Variants in NTMT1 observed in about 807,000 individuals in gnomAD.
NTMT1 encodes the protein N-terminal Xaa-Pro-Lys N-methyltransferase 1, also known as N-terminal RCC1 methyltransferase.
NTMT1 carries 8 observed loss-of-function variants against 17.5 expected under a neutral mutation model. The ratio of observed to expected loss-of-function variants is 0.46; its 90% CI spans 0.27 to 0.82. The LOEUF (loss-of-function observed/expected upper bound fraction) is 0.82, where lower values mean the gene tolerates loss of function less well. NTMT1 is among the 40% of genes least tolerant of loss of function. The probability of loss-of-function intolerance (pLI) is 0.15; values close to 1 mark genes in which losing one functional copy is unlikely to be tolerated. For synonymous variants in NTMT1, 128 were observed against 126.8 expected, an observed-to-expected ratio of 1.01 and a Z score of -0.06; for missense variants, 221 against 303.5, an observed-to-expected ratio of 0.73 and a Z score of 2.02.
chr9:129,630,711 G>A (rs908596755), intron 1 of NTMT1, among the ~76,000 whole-genome samples: 2 of 152,260 alleles, frequency 1.3e-5, no homozygotes, highest in Non-Finnish European at 2.9e-5. Context: ...TTTGGCGACA[G>A]GCATTTGCTA....
chr9:129,621,554 A>AT (rs1300159079), upstream of NTMT1, among the ~76,000 whole-genome samples: 10 of 152,094 alleles, frequency 6.6e-5, no homozygotes, highest in African/African-American at 1.2e-4. Context: ...ATGGGGTAGA[A>AT]TTTTTTTGTA....
intron 1 of NTMT1, chr9:129,615,360 G>A: frequency 9.4e-7 from 1 of 1,061,642 alleles, no homozygotes; most frequent in African/African-American, 1.6e-5. Context: ...ATCCTCTGCA[G>A]GATCACTGAT....
At position 129,628,867 on chromosome 9, in the gene NTMT1, G is replaced by A. The variant is rs530350434; in HGVS notation, c.-55+2572G>A. On this transcript the variant is annotated intron_variant, in intron 1 of 3. Coordinates refer to ENST00000372483, the MANE Select transcript of NTMT1 (RefSeq NM_014064.4). ...GAGCTCCCCGGCCAGGCGAGAGAGA[G>A]AACTGAATACAAAACCTTCAGTTTG... Among the ~76,000 whole-genome samples the A allele has an allele frequency of 5.3e-5, 8 of 152,352 alleles. No individual in the cohort carries two copies. In the South Asian group the frequency reaches 1.7e-3, roughly 32 times the overall value.
At position 129,620,806 on chromosome 9, in the gene NTMT1, G is replaced by T. The variant is rs953026469; in HGVS notation, c.-55+11628G>T. On this transcript the variant is annotated intron_variant, in intron 1 of 3. Coordinates refer to the NTMT1 transcript ENST00000372486. This position sits in a 1 kb window ranked among gnomAD's most constrained non-coding sequence, Gnocchi z 5.8. Reference sequence around the variant, plus strand: ...ACAGCAAGAGTAGCCAACTTTGGGGGTTGCTGTGACGTTTAAATGAGCAAG... The same window carrying T: ...ACAGCAAGAGTAGCCAACTTTGGGGTTTGCTGTGACGTTTAAATGAGCAAG... 5 of 393,026 alleles carry T rather than the reference G, an allele frequency of 1.3e-5. No homozygotes were observed. Among genetic ancestry groups the T allele is most frequent in the Non-Finnish European group, 2.2e-5 (5 of 224,552 alleles). 24.3% of individuals were successfully genotyped at this position (393,026 alleles called of 1,614,324 possible).
chr9:129,613,013 C>T lies in NTMT1; in HGVS notation c.-55+3835C>T. On this transcript the variant is annotated intron_variant, in intron 1 of 3. Coordinates refer to the NTMT1 transcript ENST00000372486. The surrounding 1 kb of genome is among the most constrained non-coding windows in gnomAD (Gnocchi z 6.2). ...GCTCTCAGGGAGGGTCCACTCCCAGCCCCAGCCACTCCACCAAACAGGGCT... is the reference window on the plus strand; with the variant it reads ...GCTCTCAGGGAGGGTCCACTCCCAGTCCCAGCCACTCCACCAAACAGGGCT... 1 of 1,527,606 alleles carries T rather than the reference C, an allele frequency of 6.5e-7. No homozygotes were observed. The highest frequency in any genetic ancestry group is 8.9e-7 in the Non-Finnish European group (1 of 1,126,662). 94.6% of individuals were successfully genotyped at this position (1,527,606 alleles called of 1,614,324 possible).
upstream of NTMT1, among the ~76,000 whole-genome samples, chr9:129,622,495 AAAT>A (rs915483989): frequency 5.9e-5 from 9 of 151,432 alleles, no homozygotes; most frequent in Non-Finnish European, 1.0e-4. Context: ...TCCATCTCAA[AAAT>A]AATAATAATA....
intron 1 of NTMT1, among the ~76,000 whole-genome samples, chr9:129,616,613 G>T (rs1393017211): frequency 1.3e-5 from 2 of 151,996 alleles, no homozygotes; most frequent in African/African-American, 4.8e-5. Flanking sequence ...CATTCTGCAG[G>T]TTTTTTTCCC....
At chr9:129,610,809 C>T (rs1423599823) in intron 1 of NTMT1, among the ~76,000 whole-genome samples, 1 of 152,134 alleles carries the variant, frequency 6.6e-6, no homozygotes, top group East Asian at 1.9e-4. Context: ...GTGGGCTGCG[C>T]AAGGCCACCT....
chr9:129,620,766 A>C lies in NTMT1; in HGVS notation c.-55+11588A>C. The C allele has an allele frequency of 8.7e-6, 4 of 460,060 alleles. No individual in the cohort carries two copies. Among genetic ancestry groups the C allele is most frequent in the Non-Finnish European group, 1.4e-5 (4 of 284,134 alleles). 28.5% of individuals were successfully genotyped at this position (460,060 alleles called of 1,614,324 possible). On this transcript the variant is annotated intron_variant, in intron 1 of 3. Transcript: ENST00000372486. The surrounding 1 kb of genome is among the most constrained non-coding windows in gnomAD (Gnocchi z 5.8). ...GAGCTCCCAGAGCCTCTGTTTCCTC[A>C]CCTGAAAAATGGTGACAGCAAGAGT... is the stretch of plus-strand genomic sequence containing the variant.
intron 1 of NTMT1, among the ~76,000 whole-genome samples, chr9:129,627,791 A>G (rs1830967933): frequency 6.6e-6 from 1 of 152,094 alleles, no homozygotes; most frequent in Non-Finnish European, 1.5e-5. Context: ...GGGAGGATGG[A>G]CTCTGTCCAC....
chr9:129,620,078 G>A lies in NTMT1; in HGVS notation c.-55+10900G>A, dbSNP rs1382865571. The A allele has an allele frequency of 2.8e-6, 4 of 1,450,220 alleles. No homozygotes were observed. The highest frequency in any genetic ancestry group is 5.7e-5 in the Admixed American group (2 of 35,030). The allele number at this position is 1,450,220 out of a possible 1,614,324, so 89.8% of individuals were successfully genotyped here. A position where few individuals can be genotyped will look rare whatever the true frequency, so the allele number is the denominator to read the frequency against. ...CCGCGGGGCCTCACTCAGTGGCTCCGGCTCCTCGGCGCACTTCTCCTGGAG... is the reference window on the plus strand; with the variant it reads ...CCGCGGGGCCTCACTCAGTGGCTCCAGCTCCTCGGCGCACTTCTCCTGGAG... On this transcript the variant is annotated intron_variant, in intron 1 of 3. Transcript: ENST00000372486. This position sits in a 1 kb window ranked among gnomAD's most constrained non-coding sequence, Gnocchi z 5.8.
chr9:129,617,042 A>G (rs1462603691), intron 1 of NTMT1, among the ~76,000 whole-genome samples: 1 of 152,012 alleles, frequency 6.6e-6, no homozygotes, highest in Non-Finnish European at 1.5e-5. Flanking sequence ...ACTCCAGCCT[A>G]GGGACGGAGT....
chr9:129,620,835 A>C lies in NTMT1; in HGVS notation c.-55+11657A>C, dbSNP rs930911604. On this transcript the variant is annotated intron_variant, in intron 1 of 3. Coordinates refer to the NTMT1 transcript ENST00000372486. This position sits in a 1 kb window ranked among gnomAD's most constrained non-coding sequence, Gnocchi z 5.8. ...CTGTGACGTTTAAATGAGCAAGTAC[A>C]TGCCAGTCTTAGAACAGCAAGCTCG... 5 of 367,576 alleles carry C rather than the reference A, an allele frequency of 1.4e-5. No homozygotes were observed. The highest frequency in any genetic ancestry group is 1.5e-4 in the South Asian group (1 of 6,834). The allele number at this position is 367,576 out of a possible 1,614,324, so 22.8% of individuals were successfully genotyped here.
intron 1 of NTMT1, chr9:129,615,569 G>T (rs140380275): frequency 1.5e-5 from 24 of 1,609,240 alleles, no homozygotes; most frequent in Non-Finnish European, 2.0e-5. Flanking sequence ...AACGCTGCCT[G>T]CAGGGCCTAG....
chr9:129,624,690 C>G (rs544597284), upstream of NTMT1, among the ~76,000 whole-genome samples: 1 of 152,170 alleles, frequency 6.6e-6, no homozygotes, highest in Non-Finnish European at 1.5e-5. Flanking sequence ...AAAGCAATGG[C>G]GCGATCTAGG....
chr9:129,620,450 G>A lies in NTMT1; in HGVS notation c.-55+11272G>A, dbSNP rs890125721. 2 of 1,315,660 alleles carry A rather than the reference G, an allele frequency of 1.5e-6. No homozygotes were observed. Among genetic ancestry groups the A allele is most frequent in the African/African-American group, 1.5e-5 (1 of 65,178 alleles). The allele number at this position is 1,315,660 out of a possible 1,614,324, so 81.5% of individuals were successfully genotyped here. Reference sequence around the variant, plus strand: ...CCCGGAGCCCCGCGCGCCCAGAGCCGCTCGGAGCGCGGGCGGGGTCAGCTT... The same window carrying A: ...CCCGGAGCCCCGCGCGCCCAGAGCCACTCGGAGCGCGGGCGGGGTCAGCTT... On this transcript the variant is annotated intron_variant, in intron 1 of 3. Transcript: ENST00000372486. The surrounding 1 kb of genome is among the most constrained non-coding windows in gnomAD (Gnocchi z 5.8).
intron 1 of NTMT1, among the ~76,000 whole-genome samples, chr9:129,616,300 C>T (rs973689401): frequency 6.6e-6 from 1 of 152,200 alleles, no homozygotes; most frequent in Non-Finnish European, 1.5e-5. Context: ...ATTGCAAGCT[C>T]CGCCTCCCGG....
intron 1 of NTMT1, among the ~76,000 whole-genome samples, chr9:129,610,173 C>T (rs1830077089): frequency 7.4e-6 from 1 of 135,918 alleles, no homozygotes; most frequent in African/African-American, 2.8e-5. Context: ...GCCTTGCGGG[C>T]CGAGCCACAG....
rs377380970 is a variant in NTMT1 at position 129,613,110 on chromosome 9, C to T, written c.-55+3932C>T. The T allele has an allele frequency of 5.5e-5, 89 of 1,613,752 alleles. No individual in the cohort carries two copies. Among genetic ancestry groups the T allele is most frequent in the Non-Finnish European group, 7.2e-5 (85 of 1,180,030 alleles). On this transcript the variant is annotated intron_variant, in intron 1 of 3. Transcript: ENST00000372486. The surrounding 1 kb of genome is among the most constrained non-coding windows in gnomAD (Gnocchi z 6.2). Reference sequence around the variant, plus strand: ...AGGAGCAAGACCATTTGCCCACCTGCTCCAGGTTTCTGTGCGGGTCCAAGA... The same window carrying T: ...AGGAGCAAGACCATTTGCCCACCTGTTCCAGGTTTCTGTGCGGGTCCAAGA...
Sources: allele counts gnomAD v4.1 joint callset (sites outside exome capture counted in the v4.1 genomes callset), GRCh38; gene constraint gnomAD v4.1.1; non-coding constraint Gnocchi (gnomAD v3.1); transcripts MANE v1.5; gene names NCBI Gene and HGNC (gene_info 2026-07-23, HGNC 2026-07-21).